FGD4: variants seen among roughly 807,000 people sequenced by gnomAD.
FGD4 encodes FYVE, RhoGEF and PH domain containing 4, also known as FYVE, RhoGEF and PH domain-containing protein 4.
In FGD4, 42 loss-of-function variants were observed where a neutral mutation model predicts 102.0. The observed-to-expected ratio is 0.41, with a 90% CI of 0.32 to 0.53. The LOEUF (loss-of-function observed/expected upper bound fraction) is 0.53. Ranked by LOEUF, FGD4 falls within the 20% of genes least tolerant of loss-of-function variation. The probability of loss-of-function intolerance (pLI) is 0.21; values close to 1 mark genes in which losing one functional copy is unlikely to be tolerated. For synonymous variants in FGD4, 380 were observed against 375.7 expected (o/e 1.01, Z -0.13); for missense variants, 902 against 1,078.2 (o/e 0.84, Z 2.29).
At chr12:32,445,330 C>G (rs1942580323) in intron 1 of FGD4, among the ~76,000 whole-genome samples, 1 of 152,116 alleles carries the variant, frequency 6.6e-6, no homozygotes, top group Non-Finnish European at 1.5e-5. Context: ...TGTAAAAAGT[C>G]CTCATTGAGA....
In FGD4 at chr12:32,632,071, T is replaced by C. The variant is rs1344377912; in HGVS notation, c.2173-1478T>C. ...GACCATTTTTATCATGAATTTTAAA[T>C]GCTATAAATCTACACCAAAAATTTG... On this transcript the variant is annotated intron_variant, in intron 14 of 16. Coordinates refer to ENST00000534526, the MANE Select transcript of FGD4 (RefSeq NM_001370298.3). 2.6e-5 allele frequency among the ~76,000 whole-genome samples: 4 copies of C among 152,094 alleles called. No homozygotes were observed. The East Asian group carries it at 5.8e-4, about 22-fold the overall frequency.
chr12:32,606,148 G>C (rs1948764693), intron 7 of FGD4, among the ~76,000 whole-genome samples: 1 of 152,132 alleles, frequency 6.6e-6, no homozygotes, highest in Non-Finnish European at 1.5e-5. Flanking sequence ...GTACGTAATA[G>C]ATTTTGGGAA....
chr12:32,474,718 T>A (rs1376243730), intron 1 of FGD4, among the ~76,000 whole-genome samples: 1 of 152,068 alleles, frequency 6.6e-6, no homozygotes, highest in African/African-American at 2.4e-5. Flanking sequence ...GAGAATAGCC[T>A]GGACAACATG....
At chr12:32,558,229 G>A (rs1393775528) in intron 1 of FGD4, among the ~76,000 whole-genome samples, 2 of 152,194 alleles carry the variant, frequency 1.3e-5, no homozygotes, top group South Asian at 2.1e-4. Flanking sequence ...GTACACTAAG[G>A]AGACAGTGAA....
chr12:32,638,522 T>A, intron 15 of FGD4, 133 bp from the exon 16 acceptor site: 1 of 1,236,608 alleles, frequency 8.1e-7, no homozygotes, highest in Non-Finnish European at 1.1e-6. Context: ...TTAAAATGTT[T>A]AAACAATAAT....
chr12:32,401,524 G>T (rs1940660709), intron 1 of FGD4, among the ~76,000 whole-genome samples: 3 of 151,978 alleles, frequency 2.0e-5, no homozygotes, highest in African/African-American at 7.3e-5. Context: ...GCCTCCCAAA[G>T]TGCTGGGATT....
rs67353121 is a variant in FGD4, at chr12:32,444,021, CTTT to C, written c.166+44081_166+44083del. On this transcript the variant is annotated intron_variant, in intron 1 of 16. Coordinates refer to ENST00000534526, the MANE Select transcript of FGD4 (RefSeq NM_001370298.3). Reference sequence around the variant, plus strand: ...AAAGTGGACAGGCTGACTTTGTTTTCTTTTTTTTTTTTTTTTTTTTTGAGACAG... The same window carrying C: ...AAAGTGGACAGGCTGACTTTGTTTTCTTTTTTTTTTTTTTTTTTGAGACAG... 6.5e-4 allele frequency among the ~76,000 whole-genome samples: 78 copies of C among 119,136 alleles called. No homozygotes were observed. The South Asian group carries it at 0.013, about 21-fold the overall frequency. 78.2% of individuals were successfully genotyped at this position (119,136 alleles called of 152,430 possible). A position where few individuals can be genotyped will look rare whatever the true frequency, so the allele number is the denominator to read the frequency against.
intron 1 of FGD4, among the ~76,000 whole-genome samples, chr12:32,405,034 C>T (rs995330417): frequency 5.3e-5 from 8 of 150,140 alleles, no homozygotes; most frequent in East Asian, 2.0e-4. Context: ...CCCGGGTTCA[C>T]GCCATTCTCC....
At chr12:32,572,019 T>C (rs1237629858) in intron 2 of FGD4, among the ~76,000 whole-genome samples, 4 of 152,054 alleles carry the variant, frequency 2.6e-5, no homozygotes, top group Non-Finnish European at 4.4e-5. Context: ...GAGATATGAT[T>C]GCACCAGTGC....
rs988909603 is a variant in FGD4 at position 32,544,194 on chromosome 12, G to T, written c.167-19943G>T. ...TAATCCCAGCACTTTGGGAGTCCGA[G>T]ATGGGTGGATCTCCTGAGGTCAGGA... On this transcript the variant is annotated intron_variant, in intron 1 of 16. Coordinates refer to ENST00000534526, the MANE Select transcript of FGD4 (RefSeq NM_001370298.3). This position sits in a 1 kb window ranked among gnomAD's most constrained non-coding sequence, Gnocchi z 4.1. Among the ~76,000 whole-genome samples the T allele has an allele frequency of 6.6e-6, 1 of 152,164 alleles. No individual in the cohort carries two copies. Among genetic ancestry groups the T allele is most frequent in the African/African-American group, 2.4e-5 (1 of 41,428 alleles).
intron 1 of FGD4, among the ~76,000 whole-genome samples, chr12:32,411,628 T>C (rs920969668): frequency 2.0e-5 from 3 of 152,040 alleles, no homozygotes; most frequent in African/African-American, 7.2e-5. Context: ...TGAAGAATAC[T>C]GAGGGGTCAT....
At chr12:32,436,975 G>A (rs1393509511) in intron 1 of FGD4, among the ~76,000 whole-genome samples, 1 of 152,068 alleles carries the variant, frequency 6.6e-6, no homozygotes, top group Non-Finnish European at 1.5e-5. Flanking sequence ...CAGGCATGGT[G>A]GCGGGCGCCT....
At chr12:32,458,448 A>G (rs1015139965) in intron 1 of FGD4, among the ~76,000 whole-genome samples, 1 of 152,142 alleles carries the variant, frequency 6.6e-6, no homozygotes, top group Non-Finnish European at 1.5e-5. Context: ...TGCTGAGATT[A>G]CAGGCCTGAG....
intron 1 of FGD4, among the ~76,000 whole-genome samples, chr12:32,438,982 C>T (rs904474828): frequency 3.3e-5 from 5 of 152,042 alleles, no homozygotes; most frequent in East Asian, 1.9e-4. Context: ...ATTTTTTGAT[C>T]GAGCTAATTA....
chr12:32,513,116 A>G (rs1188569061), intron 1 of FGD4, among the ~76,000 whole-genome samples: 1 of 152,230 alleles, frequency 6.6e-6, no homozygotes, highest in African/African-American at 2.4e-5. Flanking sequence ...GTACAAAGGT[A>G]CATGCAAAGT....
chr12:32,422,443 C>T (rs569190324), intron 1 of FGD4, among the ~76,000 whole-genome samples: 6 of 150,808 alleles, frequency 4.0e-5, no homozygotes, highest in South Asian at 2.1e-4. Flanking sequence ...GGACTACAGG[C>T]GCCCGCCACC....
rs58852241 is a variant in FGD4, at chr12:32,610,197, G to C, written c.1544-579G>C. Among the ~76,000 whole-genome samples the C allele has an allele frequency of 2.6e-5, 4 of 152,326 alleles. No homozygotes were observed. In the East Asian group the frequency reaches 7.7e-4, roughly 29 times the overall value. On this transcript the variant is annotated intron_variant, in intron 8 of 16. Coordinates refer to ENST00000534526, the MANE Select transcript of FGD4 (RefSeq NM_001370298.3). ...TCTGGCCCTTCAATAGCATAGCTGT[G>C]TGACCTCAGCCAAGTTGTATTACTT...
intron 14 of FGD4, among the ~76,000 whole-genome samples, chr12:32,626,450 A>G (rs1191830919): frequency 9.1e-6 from 1 of 109,750 alleles, no homozygotes; most frequent in African/African-American, 4.0e-5. Context: ...ATCTCAGAAA[A>G]AAAAAAAAAA....
chr12:32,518,017 C>T (rs1940078507), intron 1 of FGD4, among the ~76,000 whole-genome samples: 1 of 140,378 alleles, frequency 7.1e-6, no homozygotes, highest in Admixed American at 7.2e-5. Flanking sequence ...CTGCCATCAT[C>T]ATAGTTTTAA....
Sources: allele counts gnomAD v4.1 joint callset (sites outside exome capture counted in the v4.1 genomes callset), GRCh38; gene constraint gnomAD v4.1.1; non-coding constraint Gnocchi (gnomAD v3.1); transcripts MANE v1.5; gene names NCBI Gene and HGNC (gene_info 2026-07-23, HGNC 2026-07-21).